TBC1D5: variants seen among roughly 807,000 people sequenced by gnomAD.
The protein encoded by TBC1D5 is TBC1 domain family, member 5.
Under a neutral mutation model 100.3 loss-of-function variants are expected in TBC1D5, and 75 were observed. That is an observed-to-expected ratio of 0.75 (90% confidence interval 0.62 to 0.91). The LOEUF is 0.91. Ranked by LOEUF, TBC1D5 falls within the 40% of genes least tolerant of loss-of-function variation. TBC1D5 has a pLI of 0.00. For synonymous variants in TBC1D5, 323 were observed against 325.6 expected (o/e 0.99, Z 0.09); for missense variants, 910 against 942.4 (o/e 0.97, Z 0.45).
At chr3:17,573,015 T>C (rs1306823743) in intron 2 of TBC1D5, among the ~76,000 whole-genome samples, 1 of 152,136 alleles carries the variant, frequency 6.6e-6, no homozygotes, top group South Asian at 2.1e-4. Flanking sequence ...TGCCAGCGTT[T>C]ATGTTAGTGA....
rs397874911 is a variant in TBC1D5 at position 17,596,315 on chromosome 3, CTT to C, written c.-36+27532_-36+27533del. The stretch of plus-strand genomic sequence containing the variant: ...GGAAGATAATATTTTTCCAGCTTTC[CTT>C]TTTTTTTTTTTTTTTTTTCCGGAGA... On this transcript the variant is annotated intron_variant, in intron 2 of 21. Transcript: ENST00000253692. 1.7e-4 allele frequency among the ~76,000 whole-genome samples: 21 copies of C among 125,992 alleles called. 1 individual carries two copies. Among genetic ancestry groups the C allele is most frequent in the South Asian group, 1.3e-3 (5 of 3,748 alleles). The allele number at this position is 125,992 out of a possible 152,430, so 82.7% of individuals were successfully genotyped here.
intron 16 of TBC1D5, among the ~76,000 whole-genome samples, chr3:17,248,713 A>T (rs1468839175): frequency 6.6e-6 from 1 of 152,138 alleles, no homozygotes; most frequent in Non-Finnish European, 1.5e-5. Flanking sequence ...TCTGAACAGT[A>T]GGTCTCAACA....
intron 14 of TBC1D5, among the ~76,000 whole-genome samples, chr3:17,297,752 CT>C (rs78233692): frequency 4.3e-3 from 608 of 139,920 alleles, no homozygotes; most frequent in Admixed American, 5.6e-3. Flanking sequence ...CTGGCTAATT[CT>C]TTTTTTTTTT....
chr3:17,386,146 G>C (rs984693388), intron 8 of TBC1D5, among the ~76,000 whole-genome samples: 3 of 152,000 alleles, frequency 2.0e-5, no homozygotes, highest in Non-Finnish European at 2.9e-5. Flanking sequence ...CTTTTGAGAG[G>C]TGAAATTTTC....
At chr3:17,490,287 G>A (rs1037362242) in intron 3 of TBC1D5, among the ~76,000 whole-genome samples, 11 of 151,998 alleles carry the variant, frequency 7.2e-5, no homozygotes, top group African/African-American at 2.7e-4. Flanking sequence ...CTCCCATACT[G>A]TAGGCTGCGC....
At chr3:17,327,979 C>T (rs566681954) in intron 13 of TBC1D5, among the ~76,000 whole-genome samples, 1 of 152,214 alleles carries the variant, frequency 6.6e-6, no homozygotes, top group African/African-American at 2.4e-5. Context: ...TAAAAACCCT[C>T]TATTTCTTGC....
chr3:17,474,897 C>G (rs2095420194), intron 3 of TBC1D5, among the ~76,000 whole-genome samples: 2 of 151,900 alleles, frequency 1.3e-5, no homozygotes, highest in Non-Finnish European at 2.9e-5. Context: ...AAGCAAAGCC[C>G]AGTTGCATTA....
intron 1 of TBC1D5, among the ~76,000 whole-genome samples, chr3:17,625,207 G>GT (rs1001750729): frequency 2.4e-4 from 37 of 151,754 alleles, no homozygotes; most frequent in African/African-American, 8.2e-4. Flanking sequence ...GTGTCTTATT[G>GT]TTTTTTTAAT....
intron 1 of TBC1D5, among the ~76,000 whole-genome samples, chr3:17,694,197 C>T (rs964286500): frequency 6.6e-6 from 1 of 152,216 alleles, no homozygotes; most frequent in African/African-American, 2.4e-5. Context: ...TCCTCCAAAA[C>T]ATTGCAGCTC....
chr3:17,729,353 G>GAGAA (rs1553935304), intron 1 of TBC1D5, among the ~76,000 whole-genome samples: 3 of 126,086 alleles, frequency 2.4e-5, no homozygotes, highest in Non-Finnish European at 3.4e-5. Flanking sequence ...AAATTTGAGA[G>GAGAA]AAAAAAAAAA....
intron 2 of TBC1D5, among the ~76,000 whole-genome samples, chr3:17,579,106 C>A (rs117574802): frequency 0.017 from 2,522 of 152,024 alleles, 53 homozygotes; most frequent in South Asian, 0.048. Context: ...AAATCTTATT[C>A]TGTCTCATTA....
chr3:17,521,602 T>C (rs2096064194), intron 2 of TBC1D5, among the ~76,000 whole-genome samples: 1 of 152,192 alleles, frequency 6.6e-6, no homozygotes, highest in South Asian at 2.1e-4. Flanking sequence ...AACTCCCATG[T>C]TGCTCAAGGA....
intron 4 of TBC1D5, among the ~76,000 whole-genome samples, chr3:17,416,649 C>T (rs2094080796): frequency 6.6e-6 from 1 of 152,180 alleles, no homozygotes; most frequent in African/African-American, 2.4e-5. Context: ...AATGGTGCTA[C>T]CAATAAGACT....
intron 2 of TBC1D5, among the ~76,000 whole-genome samples, chr3:17,621,864 C>T (rs1417810581): frequency 6.6e-6 from 1 of 152,120 alleles, no homozygotes; most frequent in Non-Finnish European, 1.5e-5. Flanking sequence ...AGTACAGAGC[C>T]TATTCTTTAT....
At chr3:17,431,404 G>C (rs192043949) in intron 3 of TBC1D5, among the ~76,000 whole-genome samples, 1 of 151,896 alleles carries the variant, frequency 6.6e-6, no homozygotes, top group African/African-American at 2.4e-5. Context: ...GAATACAGTT[G>C]TAACTTTAAA....
chr3:17,628,802 A>C (rs2063271833), intron 1 of TBC1D5, among the ~76,000 whole-genome samples: 1 of 152,212 alleles, frequency 6.6e-6, no homozygotes, highest in Admixed American at 6.5e-5. Flanking sequence ...GCTAACCAAT[A>C]AGTCAGATAT....
At chr3:17,419,934 G>A (rs1297509082) in intron 4 of TBC1D5, among the ~76,000 whole-genome samples, 1 of 152,080 alleles carries the variant, frequency 6.6e-6, no homozygotes, top group Non-Finnish European at 1.5e-5. Flanking sequence ...CTTAACTCAA[G>A]TGATCCTCCC....
chr3:17,677,223 G>A (rs1227956222), intron 1 of TBC1D5, among the ~76,000 whole-genome samples: 1 of 152,054 alleles, frequency 6.6e-6, no homozygotes, highest in Non-Finnish European at 1.5e-5. Context: ...GCAACCTATA[G>A]AATGGGAAAA....
At position 17,350,043 on chromosome 3, in the gene TBC1D5, G is replaced by T. The variant is rs530347540; in HGVS notation, c.995+22032C>A. Among the ~76,000 whole-genome samples the T allele has an allele frequency of 3.3e-5, 5 of 152,114 alleles. No homozygotes were observed. The East Asian group carries it at 7.7e-4, about 23-fold the overall frequency. On this transcript the variant is annotated intron_variant, in intron 13 of 21. Transcript: ENST00000253692. ...TTTATTTATTTACTGCAAGAGTGGA[G>T]AATTAAGATAGAGTAGTTTATTTCA...
Sources: allele counts gnomAD v4.1 joint callset (sites outside exome capture counted in the v4.1 genomes callset), GRCh38; gene constraint gnomAD v4.1.1; transcripts MANE v1.5; gene names NCBI Gene and HGNC (gene_info 2026-07-23, HGNC 2026-07-21).